Variants in MCF2L2 observed in about 807,000 individuals in gnomAD.
MCF2L2 encodes MCF.2 cell line derived transforming sequence-like 2.
MCF2L2 carries 102 observed loss-of-function variants against 150.2 expected under a neutral mutation model. That is an observed-to-expected ratio of 0.68 (90% CI 0.58 to 0.80). MCF2L2 has a LOEUF of 0.80. Among genes scored for constraint, MCF2L2 ranks in the 30% least tolerant of loss-of-function variants. MCF2L2 has a pLI of 0.00. For synonymous variants in MCF2L2, 465 were observed against 491.3 expected (o/e 0.95, Z 0.71); for missense variants, 1,256 against 1,372.8 (o/e 0.91, Z 1.34).
intron 1 of MCF2L2, among the ~76,000 whole-genome samples, chr3:183,418,454 C>T (rs1007333656): frequency 1.3e-5 from 2 of 152,236 alleles, no homozygotes; most frequent in African/African-American, 4.8e-5. Context: ...AAAGTCTTAA[C>T]TCATTTTAGC....
chr3:183,385,507 G>C (rs1713780765), intron 2 of MCF2L2, among the ~76,000 whole-genome samples: 1 of 152,174 alleles, frequency 6.6e-6, no homozygotes, highest in East Asian at 1.9e-4. Flanking sequence ...AGAGTATTGA[G>C]CAGTTGATTT....
chr3:183,215,088 G>A (rs760072010), intron 22 of MCF2L2, among the ~76,000 whole-genome samples: 8 of 152,220 alleles, frequency 5.3e-5, no homozygotes, highest in African/African-American at 1.4e-4. Context: ...GCCATGGAGC[G>A]TGGGTGGCCT....
chr3:183,195,939 G>A (rs568166760), intron 25 of MCF2L2, among the ~76,000 whole-genome samples: 42 of 152,168 alleles, frequency 2.8e-4, no homozygotes, highest in Non-Finnish European at 5.0e-4. Flanking sequence ...GGATGGGACC[G>A]TGGCCTTGAT....
At chr3:183,291,255 G>C (rs1449910349) in intron 13 of MCF2L2, among the ~76,000 whole-genome samples, 1 of 152,174 alleles carries the variant, frequency 6.6e-6, no homozygotes, top group East Asian at 1.9e-4. Flanking sequence ...AGCAGTGAAA[G>C]GCGGGGCCAC....
At chr3:183,280,148 C>G (rs1453664064) in intron 14 of MCF2L2, among the ~76,000 whole-genome samples, 1 of 151,970 alleles carries the variant, frequency 6.6e-6, no homozygotes, top group Non-Finnish European at 1.5e-5. Context: ...TCCAGCCTCT[C>G]CAGTTTCAAA....
intron 15 of MCF2L2, chr3:183,272,304 T>C (rs1368537202): frequency 3.0e-6 from 3 of 1,000,146 alleles, no homozygotes; most frequent in Non-Finnish European, 3.6e-6. Context: ...AGGGAGATTA[T>C]ATGAAGGCCA....
chr3:183,417,266 C>T (rs573657911), intron 1 of MCF2L2, among the ~76,000 whole-genome samples: 1 of 151,886 alleles, frequency 6.6e-6, no homozygotes, highest in South Asian at 2.1e-4. Flanking sequence ...GGTACTGGAA[C>T]CAATCCCCCT....
intron 15 of MCF2L2, among the ~76,000 whole-genome samples, chr3:183,259,733 G>A (rs112067163): frequency 3.3e-5 from 5 of 151,938 alleles, no homozygotes; most frequent in African/African-American, 4.8e-5. Flanking sequence ...TGCGACTTTG[G>A]ATCTCCATCC....
At chr3:183,311,333 C>T (rs181196789) in intron 8 of MCF2L2, among the ~76,000 whole-genome samples, 12 of 152,198 alleles carry the variant, frequency 7.9e-5, no homozygotes, top group East Asian at 5.8e-4. Context: ...TGAGACTACA[C>T]GAATATAAAG....
At chr3:183,371,125 G>A (rs145568594) in intron 3 of MCF2L2, among the ~76,000 whole-genome samples, 16 of 152,296 alleles carry the variant, frequency 1.1e-4, no homozygotes, top group Admixed American at 4.6e-4. Context: ...ACTTTTGCTC[G>A]TTAATGTTGT....
At chr3:183,392,192 C>T (rs1228372407) in intron 1 of MCF2L2, among the ~76,000 whole-genome samples, 1 of 152,220 alleles carries the variant, frequency 6.6e-6, no homozygotes, top group African/African-American at 2.4e-5. Flanking sequence ...GGGGAGCAGA[C>T]ATTAGCGAAG....
intron 21 of MCF2L2, among the ~76,000 whole-genome samples, chr3:183,219,493 C>A (rs1284008428): frequency 6.6e-6 from 1 of 152,014 alleles, no homozygotes; most frequent in Admixed American, 6.6e-5. Flanking sequence ...CACCTGTAAT[C>A]CCAGCTACTT....
chr3:183,240,198 C>G (rs528717187), intron 15 of MCF2L2, among the ~76,000 whole-genome samples: 5 of 152,210 alleles, frequency 3.3e-5, no homozygotes, highest in Non-Finnish European at 7.3e-5. Flanking sequence ...TTCTCTTCCA[C>G]CAGTCTATTT....
rs373864637 is a variant in MCF2L2 at position 183,207,640 on chromosome 3, A to G, written c.2680T>C (p.Ser894Pro). 16 of 1,614,180 alleles carry G rather than the reference A, an allele frequency of 9.9e-6. No homozygotes were observed. The African/African-American group carries it at 1.7e-4, about 17-fold the overall frequency. Residue 894 changes from serine to proline, a missense_variant, in exon 23 of 30, where the codon TCT (serine) becomes CCT (proline). Physicochemically the swap from Ser to Pro is moderately conservative, Grantham distance 74. Coordinates refer to ENST00000328913, the MANE Select transcript of MCF2L2 (RefSeq NM_015078.4). ...GTCTTCTTGAAGCTGTAATGAGGAG[A>G]TAATCCCTGGTCCCCAGGCTCCATT... ...IRMEPGDQGL[S>P]PHYSFKKTMK...
Position 183,179,201 on chromosome 3 carries a change from T to C in MCF2L2, c.*179A>G. ...AGCTCCGAGGTCCCCCGTGCGGAGC[T>C]AGGCGCGCACCCAGGACACCCCTCG... On this transcript the variant is annotated 3_prime_UTR_variant, in exon 30 of 30. Coordinates refer to ENST00000328913, the MANE Select transcript of MCF2L2 (RefSeq NM_015078.4). The surrounding 1 kb of genome is among the most constrained non-coding windows in gnomAD (Gnocchi z 4.2). 1 of 829,468 alleles carries C rather than the reference T, an allele frequency of 1.2e-6. No homozygotes were observed. Among genetic ancestry groups the C allele is most frequent in the African/African-American group, 1.8e-5 (1 of 55,570 alleles). The allele number at this position is 829,468 out of a possible 1,614,324, so 51.4% of individuals were successfully genotyped here.
intron 15 of MCF2L2, among the ~76,000 whole-genome samples, chr3:183,242,173 G>A (rs1724056329): frequency 6.6e-6 from 1 of 151,898 alleles, no homozygotes; most frequent in African/African-American, 2.4e-5. Flanking sequence ...TGCTCAAAAG[G>A]GAAGAAGAGC....
chr3:183,206,918 G>A (rs1174158947), intron 23 of MCF2L2, among the ~76,000 whole-genome samples: 33 of 7,256 alleles, frequency 4.5e-3, no homozygotes, highest in Middle Eastern at 0.036. Flanking sequence ...AGAAAGAAAG[G>A]AAGGAAGGAA....
chr3:183,284,969 T>C (rs114227494), intron 14 of MCF2L2, among the ~76,000 whole-genome samples: 3,018 of 152,332 alleles, frequency 0.02, 59 homozygotes, highest in East Asian at 0.052. Flanking sequence ...AGTGTGTTTA[T>C]ATTCAAATAG....
chr3:183,350,740 T>C (rs572005921), intron 3 of MCF2L2, among the ~76,000 whole-genome samples: 1 of 152,100 alleles, frequency 6.6e-6, no homozygotes, highest in Admixed American at 6.5e-5. Flanking sequence ...CTGTCTCTAC[T>C]AAAACTACAA....
Sources: allele counts gnomAD v4.1 joint callset (sites outside exome capture counted in the v4.1 genomes callset), GRCh38; gene constraint gnomAD v4.1.1; non-coding constraint Gnocchi (gnomAD v3.1); transcripts MANE v1.5; gene names NCBI Gene and HGNC (gene_info 2026-07-23, HGNC 2026-07-21).